PLA2G4A: variants seen among roughly 807,000 people sequenced by gnomAD.
PLA2G4A encodes the protein phospholipase A2 group IVA.
A neutral mutation model predicts 81.9 loss-of-function variants in PLA2G4A; 40 were observed. That is an observed-to-expected ratio of 0.49 (90% CI 0.38 to 0.64). The LOEUF (loss-of-function observed/expected upper bound fraction) is 0.64, where lower values mean the gene tolerates loss of function less well. PLA2G4A is among the 30% of genes least tolerant of loss of function. The probability of loss-of-function intolerance (pLI) is 0.00; values close to 1 mark genes in which losing one functional copy is unlikely to be tolerated. For synonymous variants in PLA2G4A, 302 were observed against 296.9 expected, an observed-to-expected ratio of 1.02 and a Z score of -0.18; for missense variants, 715 against 905.1, an observed-to-expected ratio of 0.79 and a Z score of 2.69.
chr1:186,868,986 A>G (rs1399315419), intron 2 of PLA2G4A, among the ~76,000 whole-genome samples: 4 of 151,088 alleles, frequency 2.6e-5, no homozygotes, highest in Non-Finnish European at 5.9e-5. Flanking sequence ...TCAAAGAACC[A>G]AAGTTTGGTT....
intron 1 of PLA2G4A, among the ~76,000 whole-genome samples, chr1:186,842,338 C>T (rs959401753): frequency 2.0e-5 from 3 of 152,042 alleles, no homozygotes; most frequent in Non-Finnish European, 4.4e-5. Flanking sequence ...CCACTGCGCC[C>T]GGCTGCATAT....
intron 2 of PLA2G4A, among the ~76,000 whole-genome samples, chr1:186,866,578 C>T (rs890873904): frequency 2.0e-5 from 3 of 152,016 alleles, no homozygotes; most frequent in African/African-American, 7.2e-5. Flanking sequence ...TAAAAACAAT[C>T]TTTTTGTACA....
At chr1:186,848,496 G>A (rs146418468) in intron 1 of PLA2G4A, among the ~76,000 whole-genome samples, 47 of 152,236 alleles carry the variant, frequency 3.1e-4, no homozygotes, top group African/African-American at 1.1e-3. Flanking sequence ...GCATTTCAAT[G>A]TCTGCAGTGA....
chr1:186,945,004 G>C (rs1183624981), intron 10 of PLA2G4A, among the ~76,000 whole-genome samples: 1 of 151,934 alleles, frequency 6.6e-6, no homozygotes, highest in Non-Finnish European at 1.5e-5. Flanking sequence ...TGTATTGTTG[G>C]ATAAGATATT....
At chr1:186,926,718 A>G (rs12720573) in intron 7 of PLA2G4A, among the ~76,000 whole-genome samples, 43,618 of 152,122 alleles carry the variant, frequency 0.29, 6,601 homozygotes, top group Admixed American at 0.41. Context: ...TGGGTAGTAT[A>G]TATTTGGGAA....
At chr1:186,835,707 A>G (rs1385519093) in intron 1 of PLA2G4A, among the ~76,000 whole-genome samples, 1 of 152,216 alleles carries the variant, frequency 6.6e-6, no homozygotes, top group Non-Finnish European at 1.5e-5. Flanking sequence ...TTCACTTTCA[A>G]TGATCAATGG....
chr1:186,920,151 C>T (rs1206156586), intron 7 of PLA2G4A, among the ~76,000 whole-genome samples: 2 of 152,236 alleles, frequency 1.3e-5, no homozygotes, highest in Non-Finnish European at 1.5e-5. Flanking sequence ...AAAAAGTCCC[C>T]TTTCTTCTTC....
chr1:186,953,189 T>C (rs990901239), intron 13 of PLA2G4A, among the ~76,000 whole-genome samples: 2 of 152,336 alleles, frequency 1.3e-5, no homozygotes, highest in Middle Eastern at 3.4e-3. Flanking sequence ...CTACCAGCCA[T>C]GAATGAGAGT....
Position 186,932,830 on chromosome 1 carries a change from T to G in PLA2G4A, c.626T>G (p.Met209Arg), listed in dbSNP as rs202061195. Residue 209 changes from methionine (M) to arginine (R), a missense_variant, in exon 8 of 18, where the codon ATG becomes AGG. Met to Arg is a moderately conservative substitution (Grantham distance 91). Transcript: ENST00000367466. ...GCCATGGTGGGATTCTCTGGTGTGA[T>G]GAAGGCATTATACGAATCAGGAATT... is the stretch of plus-strand genomic sequence containing the variant. The part of the protein sequence containing the change: ...FRAMVGFSGV[M>R]KALYESGILD... 1 of 1,613,180 alleles carries G rather than the reference T, an allele frequency of 6.2e-7. No individual in the cohort carries two copies. Among genetic ancestry groups the G allele is most frequent in the Admixed American group, 1.7e-5 (1 of 59,996 alleles).
intron 7 of PLA2G4A, among the ~76,000 whole-genome samples, chr1:186,920,711 C>G (rs1330927214): frequency 6.6e-6 from 1 of 152,182 alleles, no homozygotes; most frequent in Non-Finnish European, 1.5e-5. Context: ...GTATTCTTCC[C>G]AGAACCCCCC....
chr1:186,922,753 G>A (rs965867772), intron 7 of PLA2G4A, among the ~76,000 whole-genome samples: 11 of 152,168 alleles, frequency 7.2e-5, no homozygotes, highest in African/African-American at 2.2e-4. Flanking sequence ...CTGGAGCATC[G>A]GCAAGACTCC....
chr1:186,911,185 C>A, intron 6 of PLA2G4A, 63 bp from the exon 7 acceptor site: 1 of 1,456,264 alleles, frequency 6.9e-7, no homozygotes, highest in Non-Finnish European at 9.6e-7. Flanking sequence ...GGAAAAGCTA[C>A]CTGGATGGAA....
intron 3 of PLA2G4A, among the ~76,000 whole-genome samples, chr1:186,876,872 T>G (rs1290105105): frequency 6.6e-6 from 1 of 152,064 alleles, no homozygotes; most frequent in African/African-American, 2.4e-5. Flanking sequence ...TTCCTTCAGC[T>G]TTATCTCTCC....
chr1:186,909,118 C>T (rs1302158763), intron 6 of PLA2G4A, among the ~76,000 whole-genome samples: 1 of 150,294 alleles, frequency 6.7e-6, no homozygotes, highest in African/African-American at 2.4e-5. Flanking sequence ...GGACTACAGG[C>T]GCCAGCCACC....
chr1:186,920,760 G>A (rs947879915), intron 7 of PLA2G4A, among the ~76,000 whole-genome samples: 2 of 152,170 alleles, frequency 1.3e-5, no homozygotes, highest in Non-Finnish European at 2.9e-5. Context: ...TAAAGGCCGT[G>A]GCCAGTAAGT....
intron 7 of PLA2G4A, among the ~76,000 whole-genome samples, chr1:186,932,294 C>CTTTTTTTTTTTT (rs67757094): frequency 2.9e-5 from 4 of 138,558 alleles, no homozygotes; most frequent in African/African-American, 5.2e-5. Context: ...TTTTCTTTTT[C>CTTTTTTTTTTTT]TTTTTTTTTT....
chr1:186,897,572 A>G (rs1471280092), intron 5 of PLA2G4A, among the ~76,000 whole-genome samples: 1 of 152,066 alleles, frequency 6.6e-6, no homozygotes, highest in Non-Finnish European at 1.5e-5. Context: ...GCAGTGGCAC[A>G]ATCTTGCTTC....
intron 5 of PLA2G4A, among the ~76,000 whole-genome samples, chr1:186,903,289 T>C (rs1654613672): frequency 6.6e-6 from 1 of 152,234 alleles, no homozygotes; most frequent in African/African-American, 2.4e-5. Flanking sequence ...AATAATGTTT[T>C]ATTGAAAGTA....
chr1:186,943,414 T>TTTTGACAGA (rs1316747676), intron 10 of PLA2G4A, among the ~76,000 whole-genome samples: 2 of 152,328 alleles, frequency 1.3e-5, no homozygotes, highest in Admixed American at 6.5e-5. Flanking sequence ...ATGCTAAATT[T>TTTTGACAGA]TTTGACAGAC....
Sources: gnomAD v4.1 joint callset for allele counts (sites outside exome capture counted in the v4.1 genomes callset) on GRCh38, gnomAD v4.1.1 for gene constraint, MANE v1.5 for transcripts, NCBI Gene and HGNC (gene_info 2026-07-23, HGNC 2026-07-21) for gene names.